DHRS9: variants seen among roughly 807,000 people sequenced by gnomAD.
The protein encoded by DHRS9 is dehydrogenase/reductase SDR family member 9.
A neutral mutation model predicts 26.6 loss-of-function variants in DHRS9; 18 were observed. The ratio of observed to expected loss-of-function variants is 0.68; its 90% CI spans 0.47 to 1.00. The LOEUF (loss-of-function observed/expected upper bound fraction) is 1.00. DHRS9 is among the 50% of genes least tolerant of loss of function. DHRS9 has a pLI of 0.00. For synonymous variants in DHRS9, 134 were observed against 141.1 expected (o/e 0.95, Z 0.36); for missense variants, 425 against 378.7 (o/e 1.12, Z -1.01).
chr2:169,085,453 C>T (rs1684322202), intron 3 of DHRS9, among the ~76,000 whole-genome samples: 1 of 152,110 alleles, frequency 6.6e-6, no homozygotes, highest in South Asian at 2.1e-4. Context: ...CTGATTCTTC[C>T]AATCCATGAA....
intron 3 of DHRS9, among the ~76,000 whole-genome samples, chr2:169,086,930 G>C (rs181187055): frequency 6.6e-6 from 1 of 152,240 alleles, no homozygotes; most frequent in Admixed American, 6.5e-5. Flanking sequence ...ACCATCATTG[G>C]GACTGCACTG....
chr2:169,073,395 C>T (rs1003650524), intron 1 of DHRS9, among the ~76,000 whole-genome samples: 5 of 152,196 alleles, frequency 3.3e-5, no homozygotes, highest in Non-Finnish European at 2.9e-5. Context: ...TCCTAGGAAA[C>T]GGCCTACAAC....
At chr2:169,089,694 A>T (rs1386960399) in intron 3 of DHRS9, among the ~76,000 whole-genome samples, 1 of 152,264 alleles carries the variant, frequency 6.6e-6, no homozygotes, top group Non-Finnish European at 1.5e-5. Context: ...CCATTTGATC[A>T]GGTTGCCAAG....
At chr2:169,092,954 T>C (rs778704222) in intron 4 of DHRS9, among the ~76,000 whole-genome samples, 1 of 152,114 alleles carries the variant, frequency 6.6e-6, no homozygotes, top group Non-Finnish European at 1.5e-5. Flanking sequence ...AGAGCTAGAT[T>C]TGGACCCAGG....
upstream of DHRS9, chr2:169,067,360 G>A: frequency 6.7e-7 from 1 of 1,486,840 alleles, no homozygotes; most frequent in East Asian, 2.5e-5. Flanking sequence ...CCTAACGTAT[G>A]TCTCCTGAGA....
At chr2:169,078,815 C>CT (rs200691133) in intron 1 of DHRS9, among the ~76,000 whole-genome samples, 1,606 of 110,218 alleles carry the variant, frequency 0.015, 133 homozygotes, top group Non-Finnish European at 0.018. Flanking sequence ...TATCAACTGA[C>CT]TTTTTTTTTT....
chr2:169,067,914 G>C (rs1683691178), upstream of DHRS9, among the ~76,000 whole-genome samples: 1 of 152,196 alleles, frequency 6.6e-6, no homozygotes, highest in Non-Finnish European at 1.5e-5. Flanking sequence ...GGAATTGAGG[G>C]ACAAGCCAGA....
rs1553478929 is a variant in DHRS9, at chr2:169,078,840, T to TTTTTTTTTTTTTGTG, written c.-59-2682_-59-2681insTTTTTTTTTTTGTGT. On this transcript the variant is annotated intron_variant, in intron 1 of 4. Coordinates refer to ENST00000674881, the MANE Select transcript of DHRS9 (RefSeq NM_001376924.1). ...CTTTTTTTTTTTTTTTTTTTTTTTT[T>TTTTTTTTTTTTTGTG]TGTGACAGAGTCTTGCACTGTCGCC... Among the ~76,000 whole-genome samples the TTTTTTTTTTTTTGTG allele has an allele frequency of 5.1e-5, 7 of 137,356 alleles. 1 individual carries two copies. Among genetic ancestry groups the TTTTTTTTTTTTTGTG allele is most frequent in the African/African-American group, 1.8e-4 (6 of 33,824 alleles). The allele number at this position is 137,356 out of a possible 152,430, so 90.1% of individuals were successfully genotyped here.
At chr2:169,092,016 T>C (rs1574038136) in intron 4 of DHRS9, 63 bp downstream of exon 4, 1 of 1,530,570 alleles carries the variant, frequency 6.5e-7, no homozygotes, top group Non-Finnish European at 8.8e-7. Context: ...ATGAAGGAGA[T>C]TCAAATACAG....
chr2:169,081,439 T>TA (rs1290162787), intron 1 of DHRS9, 84 bp from the exon 2 acceptor site: 1 of 1,419,656 alleles, frequency 7.0e-7, no homozygotes, highest in Non-Finnish European at 9.2e-7. Flanking sequence ...ACTAATGCAT[T>TA]AAAATATCTC....
upstream of DHRS9, chr2:169,067,397 A>C: frequency 3.0e-6 from 4 of 1,345,948 alleles, no homozygotes; most frequent in African/African-American, 2.9e-5. Context: ...TTTCCTCCTT[A>C]TGTTTTGGTA....
At chr2:169,073,353 C>T (rs999811239) in intron 1 of DHRS9, among the ~76,000 whole-genome samples, 2 of 152,108 alleles carry the variant, frequency 1.3e-5, no homozygotes, top group East Asian at 3.8e-4. Flanking sequence ...ATAATTTTGT[C>T]GTAAGGTGTA....
intron 3 of DHRS9, among the ~76,000 whole-genome samples, chr2:169,088,843 T>C (rs1475898490): frequency 6.6e-6 from 1 of 152,206 alleles, no homozygotes; most frequent in Non-Finnish European, 1.5e-5. Context: ...GGCTTCTCCA[T>C]TGGTTTACTG....
At chr2:169,093,605 C>A (rs969872320) in intron 4 of DHRS9, among the ~76,000 whole-genome samples, 3 of 152,142 alleles carry the variant, frequency 2.0e-5, no homozygotes, top group African/African-American at 7.2e-5. Flanking sequence ...TTTTTAAATG[C>A]CTTTGAATAT....
At chr2:169,082,676 G>A (rs1684226597) in intron 2 of DHRS9, among the ~76,000 whole-genome samples, 2 of 152,128 alleles carry the variant, frequency 1.3e-5, no homozygotes, top group South Asian at 4.1e-4. Flanking sequence ...CAAGCCAAGT[G>A]AATGACTGAA....
At chr2:169,079,719 G>A (rs1434598458) in intron 1 of DHRS9, among the ~76,000 whole-genome samples, 1 of 151,370 alleles carries the variant, frequency 6.6e-6, no homozygotes, top group East Asian at 1.9e-4. Context: ...CCGGGTGCCT[G>A]TAATGGTGGC....
Position 169,081,597 on chromosome 2 carries a change from C to A in DHRS9, c.16C>A (p.Leu6Ile). The change falls in exon 2 of 5, where the codon CTA becomes ATA. Residue 6 changes from leucine (L) to isoleucine (I), a missense_variant. Leu to Ile is a conservative substitution (Grantham distance 5). Transcript: ENST00000674881. MLFWV[L>I]GLLILCGFLW... is the part of the protein sequence containing the mutation. ...AGGGGGAAAAATGCTCTTTTGGGTGCTAGGCCTCCTAATCCTCTGTGGTTT... is the reference window on the plus strand; with the variant it reads ...AGGGGGAAAAATGCTCTTTTGGGTGATAGGCCTCCTAATCCTCTGTGGTTT... 1 of 1,614,002 alleles carries A rather than the reference C, an allele frequency of 6.2e-7. No individual in the cohort carries two copies. Among genetic ancestry groups the A allele is most frequent in the Non-Finnish European group, 8.5e-7 (1 of 1,179,960 alleles).
chr2:169,072,013 T>TG (rs1437691475), intron 1 of DHRS9, among the ~76,000 whole-genome samples: 1 of 151,878 alleles, frequency 6.6e-6, no homozygotes, highest in African/African-American at 2.4e-5. Context: ...CCTGGGTTTT[T>TG]TTTTTTTTTT....
At chr2:169,084,600 G>A (rs970914087) in intron 3 of DHRS9, among the ~76,000 whole-genome samples, 1 of 152,100 alleles carries the variant, frequency 6.6e-6, no homozygotes, top group Non-Finnish European at 1.5e-5. Context: ...ATGATGTTGA[G>A]CACCTTTCAT....
Sources: gnomAD v4.1 joint callset for allele counts (sites outside exome capture counted in the v4.1 genomes callset) on GRCh38, gnomAD v4.1.1 for gene constraint, MANE v1.5 for transcripts, NCBI Gene and HGNC (gene_info 2026-07-23, HGNC 2026-07-21) for gene names.